Variants in SLC2A14 observed in about 807,000 individuals in gnomAD.
The protein encoded by SLC2A14 is solute carrier family 2 member 14.
Under a neutral mutation model 43.0 loss-of-function variants are expected in SLC2A14, and 13 were observed. The observed-to-expected ratio is 0.30, with a 90% confidence interval of 0.20 to 0.48. The LOEUF (loss-of-function observed/expected upper bound fraction) is 0.48. SLC2A14 is among the 20% of genes least tolerant of loss of function. The pLI, the probability that SLC2A14 is intolerant of heterozygous loss-of-function variation, is 0.99. For synonymous variants in SLC2A14, 190 were observed against 233.8 expected (o/e 0.81, Z 1.71); for missense variants, 428 against 620.4 (o/e 0.69, Z 3.29).
intron 9 of SLC2A14, 86 bp downstream of exon 9, chr12:7,819,396 T>C (rs1592145497): frequency 1.3e-6 from 2 of 1,535,644 alleles, no homozygotes; most frequent in Admixed American, 2.4e-5. Flanking sequence ...AACTGCAACC[T>C]TAACAACCCA....
intron 2 of SLC2A14, among the ~76,000 whole-genome samples, chr12:7,861,546 C>G (rs2120996755): frequency 6.6e-6 from 1 of 152,142 alleles, no homozygotes; most frequent in Non-Finnish European, 1.5e-5. Context: ...GAGAGCCTGG[C>G]CAGTGGATTG....
In SLC2A14 at chr12:7,830,021, A is replaced by C. The variant is rs771657670; in HGVS notation, c.273-15T>G. 1.9e-6 allele frequency: 3 copies of C among 1,613,828 alleles called. No individual in the cohort carries two copies. Among genetic ancestry groups the C allele is most frequent in the Non-Finnish European group, 2.5e-6 (3 of 1,179,708 alleles). On this transcript the variant is annotated splice_polypyrimidine_tract_variant and intron_variant, in intron 4 of 10. Coordinates refer to ENST00000431042, the MANE Select transcript of SLC2A14 (RefSeq NM_001286234.2). ...TTGAATTGCGCCTGTAAGGTTAATC[A>C]AAGACAACATGGAATTAGCAAAGTG...
At chr12:7,818,119 T>C (rs1863633987) in intron 9 of SLC2A14, 85 bp from the exon 10 acceptor site, 2 of 1,266,054 alleles carry the variant, frequency 1.6e-6, no homozygotes, top group Admixed American at 4.9e-5. Flanking sequence ...AATGGCAAGC[T>C]CCTCCTGTCC....
chr12:7,878,976 CAA>C lies in SLC2A14; in HGVS notation c.132+12018_132+12019del, dbSNP rs58838986. 7.6e-4 allele frequency among the ~76,000 whole-genome samples: 53 copies of C among 69,312 alleles called. 1 individual carries two copies. The highest frequency in any genetic ancestry group is 2.1e-3 in the African/African-American group (38 of 17,730). The allele number at this position is 69,312 out of a possible 152,430, so 45.5% of individuals were successfully genotyped here. A position where few individuals can be genotyped will look rare whatever the true frequency, so the allele number is the denominator to read the frequency against. ...TGGGCGACACAGCAAGAGTCCGTCTCAAAAAAAAAAAAAAAAAAAAAAAAAAA... is the reference window on the plus strand; with the variant it reads ...TGGGCGACACAGCAAGAGTCCGTCTCAAAAAAAAAAAAAAAAAAAAAAAAA... On this transcript the variant is annotated intron_variant, in intron 1 of 9. Coordinates refer to the SLC2A14 transcript ENST00000539924.
chr12:7,882,605 G>C (rs1242389060), intron 1 of SLC2A14, among the ~76,000 whole-genome samples: 1 of 152,118 alleles, frequency 6.6e-6, no homozygotes, highest in Non-Finnish European at 1.5e-5. Flanking sequence ...GGCTGAGGCA[G>C]GCACGTGGAT....
chr12:7,839,788 C>G (rs950195762), intron 2 of SLC2A14: 2 of 452,376 alleles, frequency 4.4e-6, no homozygotes, highest in Non-Finnish European at 8.8e-6. Flanking sequence ...GAAGGGGCTT[C>G]GGAGGCCAGG....
chr12:7,815,279 G>A (rs920773786), intron 10 of SLC2A14, among the ~76,000 whole-genome samples: 1 of 151,886 alleles, frequency 6.6e-6, no homozygotes, highest in African/African-American at 2.4e-5. Flanking sequence ...TGCTGGGAGT[G>A]GTGGCACGTG....
intron 2 of SLC2A14, among the ~76,000 whole-genome samples, chr12:7,843,298 G>A (rs1361393979): frequency 6.7e-6 from 1 of 149,606 alleles, no homozygotes; most frequent in Non-Finnish European, 1.5e-5. Context: ...AGAATTTCCT[G>A]GAGGCATGGG....
upstream of SLC2A14, among the ~76,000 whole-genome samples, chr12:7,875,362 G>T (rs1945445405): frequency 6.7e-6 from 1 of 149,768 alleles, no homozygotes; most frequent in African/African-American, 2.5e-5. Flanking sequence ...ACAAAAATTA[G>T]CCGGGCATGG....
chr12:7,840,977 T>A (rs1157702549), intron 2 of SLC2A14, among the ~76,000 whole-genome samples: 1 of 150,872 alleles, frequency 6.6e-6, no homozygotes, highest in Non-Finnish European at 1.5e-5. Flanking sequence ...GCTAGGGTAA[T>A]GCACTAAAAA....
At chr12:7,828,435 C>A (rs1864691319) in intron 6 of SLC2A14, among the ~76,000 whole-genome samples, 1 of 151,672 alleles carries the variant, frequency 6.6e-6, no homozygotes, top group Non-Finnish European at 1.5e-5. Context: ...ATAATCCCAC[C>A]TACTCCGGAG....
chr12:7,817,751 TATAGATAG>T (rs372370462), intron 10 of SLC2A14, 72 bp downstream of exon 10: 146 of 1,149,926 alleles, frequency 1.3e-4, no homozygotes, highest in African/African-American at 6.1e-4. Context: ...TATATATATA[TATAGATAG>T]ATAGATAGAT....
rs56052601 is a variant in SLC2A14 at position 7,822,668 on chromosome 12, C to CAAA, written c.865-1346_865-1344dup. Among the ~76,000 whole-genome samples the CAAA allele has an allele frequency of 3.2e-3, 378 of 119,222 alleles. 2 individuals are homozygous for CAAA. Among genetic ancestry groups the CAAA allele is most frequent in the African/African-American group, 0.011 (364 of 32,670 alleles). 78.2% of individuals were successfully genotyped at this position (119,222 alleles called of 152,430 possible). A position where few individuals can be genotyped will look rare whatever the true frequency, so the allele number is the denominator to read the frequency against. On this transcript the variant is annotated intron_variant, in intron 7 of 10. Coordinates refer to ENST00000431042, the MANE Select transcript of SLC2A14 (RefSeq NM_001286234.2). ...TGGGCAACAGAGCGAGACTCCATCT[C>CAAA]AAAAAAAAAAAAAAAAGAAAGTGTA... is the stretch of plus-strand genomic sequence containing the variant.
At chr12:7,859,105 C>T (rs998381517) in intron 2 of SLC2A14, among the ~76,000 whole-genome samples, 1 of 152,088 alleles carries the variant, frequency 6.6e-6, no homozygotes, top group African/African-American at 2.4e-5. Flanking sequence ...ATCAGTTGAA[C>T]AGGCTGGGCG....
At position 7,829,816 on chromosome 12, in the gene SLC2A14, A is replaced by C; in HGVS notation, c.463T>G (p.Phe155Val). 6.2e-7 allele frequency: 1 copy of C among 1,614,200 alleles called. No homozygotes were observed. The highest frequency in any genetic ancestry group is 8.5e-7 in the Non-Finnish European group (1 of 1,180,034). The change falls in exon 5 of 11, where the codon TTT becomes GTT. Residue 155 changes from phenylalanine (F) to valine (V), a missense_variant. Physicochemically the swap from Phe to Val is conservative, Grantham distance 50. Around this residue, in one of 4 missense-constraint regions of SLC2A14, gnomAD observed 185 missense variants for 275.4 expected, o/e 0.67. Transcript: ENST00000431042. ...ATGCCCAGCTGGTTGAGAGTGCCAA[A>C]GGCACCCCTCAGGGCAGTAGGCGAG... is the stretch of plus-strand genomic sequence containing the variant. ...EISPTALRGA[F>V]GTLNQLGIVI... is the part of the protein sequence containing the mutation.
At chr12:7,840,186 T>G (rs1484296742) in intron 2 of SLC2A14, among the ~76,000 whole-genome samples, 1 of 87,362 alleles carries the variant, frequency 1.1e-5, no homozygotes, top group Admixed American at 1.3e-4. Flanking sequence ...TTTTTTTTTT[T>G]GCCCTTCTGC....
chr12:7,815,894 T>TTTTTTTG (rs1555116015), intron 10 of SLC2A14, among the ~76,000 whole-genome samples: 8 of 149,240 alleles, frequency 5.4e-5, no homozygotes, highest in African/African-American at 2.0e-4. Context: ...TTTTTTTTGT[T>TTTTTTTG]TTTTTGTTTT....
intron 1 of SLC2A14, among the ~76,000 whole-genome samples, chr12:7,885,982 C>G (rs563501058): frequency 6.6e-6 from 1 of 150,562 alleles, no homozygotes; most frequent in Admixed American, 6.7e-5. Context: ...TTTTTCTTTT[C>G]TTTCCTTCTT....
chr12:7,844,670 G>C (rs772363160), intron 2 of SLC2A14, among the ~76,000 whole-genome samples: 1 of 151,898 alleles, frequency 6.6e-6, no homozygotes. Context: ...CCGAGTAGCT[G>C]GGATTACAGG....
Sources: gnomAD v4.1 joint callset for allele counts (sites outside exome capture counted in the v4.1 genomes callset) on GRCh38, gnomAD v4.1.1 for gene constraint, gnomAD v4.1.1 regional missense constraint, MANE v1.5 for transcripts, NCBI Gene and HGNC (gene_info 2026-07-23, HGNC 2026-07-21) for gene names.